The following FANCC variants were observed in gnomAD, a reference collection of about 807,000 sequenced individuals.
The protein encoded by FANCC is Fanconi anemia group C protein.
In FANCC, 55 loss-of-function variants were observed where a neutral mutation model predicts 71.3. That is an observed-to-expected ratio of 0.77 (90% CI 0.62 to 0.97). The LOEUF (loss-of-function observed/expected upper bound fraction) is 0.97, where lower values mean the gene tolerates loss of function less well. FANCC is among the 50% of genes least tolerant of loss of function. The pLI is 0.00. For missense variants in FANCC, 678 were observed against 670.9 expected, an observed-to-expected ratio of 1.01 and a Z score of -0.12; for synonymous variants, 275 against 244.9, an observed-to-expected ratio of 1.12 and a Z score of -1.15.
At chr9:95,187,686 C>G (rs1339738628) in intron 4 of FANCC, among the ~76,000 whole-genome samples, 1 of 151,932 alleles carries the variant, frequency 6.6e-6, no homozygotes, top group African/African-American at 2.4e-5. Context: ...CTGACTATAG[C>G]TCAAATGCTG....
chr9:95,196,590 C>A (rs1168968487), intron 4 of FANCC, among the ~76,000 whole-genome samples: 1 of 152,154 alleles, frequency 6.6e-6, no homozygotes, highest in Non-Finnish European at 1.5e-5. Context: ...ATTTGAGATA[C>A]CAAGATAATA....
chr9:95,249,312 G>T lies in FANCC; in HGVS notation c.-21C>A. ...GCCATCTTGGAAAAAGCGAAAAGGTGATGTCCCTTCACAGCAGCCTGTCCA... is the reference window on the plus strand; with the variant it reads ...GCCATCTTGGAAAAAGCGAAAAGGTTATGTCCCTTCACAGCAGCCTGTCCA... On this transcript the variant is annotated 5_prime_UTR_variant, in exon 2 of 15. The change creates a premature stop within an existing upstream ORF in the 5' untranslated region. Coordinates refer to ENST00000289081, the MANE Select transcript of FANCC (RefSeq NM_000136.3). 1 of 1,613,272 alleles carries T rather than the reference G, an allele frequency of 6.2e-7. No homozygotes were observed. Among genetic ancestry groups the T allele is most frequent in the Non-Finnish European group, 8.5e-7 (1 of 1,179,624 alleles).
At chr9:95,246,602 T>C (rs1475180281) in intron 3 of FANCC, among the ~76,000 whole-genome samples, 1 of 152,150 alleles carries the variant, frequency 6.6e-6, no homozygotes, top group Non-Finnish European at 1.5e-5. Context: ...ACTAAAACCA[T>C]GGTTCCTGTT....
chr9:95,287,948 T>C (rs1833781268), intron 1 of FANCC, among the ~76,000 whole-genome samples: 1 of 152,138 alleles, frequency 6.6e-6, no homozygotes, highest in Admixed American at 6.5e-5. Context: ...CACTGCCATA[T>C]GGTAGTAAAA....
At chr9:95,236,084 G>A (rs2136022413) in intron 4 of FANCC, among the ~76,000 whole-genome samples, 1 of 152,210 alleles carries the variant, frequency 6.6e-6, no homozygotes, top group Middle Eastern at 3.4e-3. Flanking sequence ...GCTTAGTATT[G>A]CATTTCGAAA....
At chr9:95,160,075 T>C (rs1367928210) in intron 6 of FANCC, among the ~76,000 whole-genome samples, 1 of 152,246 alleles carries the variant, frequency 6.6e-6, no homozygotes, top group African/African-American at 2.4e-5. Context: ...CCATTGCTTT[T>C]GGTGTTTTAG....
At chr9:95,160,334 C>T (rs151065011) in intron 6 of FANCC, among the ~76,000 whole-genome samples, 5,563 of 152,082 alleles carry the variant, frequency 0.037, 301 homozygotes, top group African/African-American at 0.12. Context: ...GATTGGATGG[C>T]TGTAGATGTG....
At chr9:95,224,593 A>G (rs1232691513) in intron 4 of FANCC, among the ~76,000 whole-genome samples, 1 of 151,650 alleles carries the variant, frequency 6.6e-6, no homozygotes, top group African/African-American at 2.4e-5. Flanking sequence ...CAAAACCTAG[A>G]CTCTGCATCC....
chr9:95,220,982 A>G (rs1466487769), intron 4 of FANCC, among the ~76,000 whole-genome samples: 1 of 152,178 alleles, frequency 6.6e-6, no homozygotes, highest in African/African-American at 2.4e-5. Flanking sequence ...CTGTAATCCC[A>G]GCACTTTGGG....
chr9:95,111,138 A>C, intron 13 of FANCC: 10 of 1,534,306 alleles, frequency 6.5e-6, no homozygotes, highest in Non-Finnish European at 8.7e-6. Flanking sequence ...CCGCCTCTGC[A>C]GGGCACGCCT....
intron 1 of FANCC, among the ~76,000 whole-genome samples, chr9:95,267,262 G>T (rs950003578): frequency 6.6e-6 from 1 of 152,152 alleles, no homozygotes; most frequent in African/African-American, 2.4e-5. Flanking sequence ...ATGCCTGAAG[G>T]AAGGCTCGCA....
intron 12 of FANCC, among the ~76,000 whole-genome samples, 172 bp from the exon 13 acceptor site, chr9:95,111,809 G>A (rs1468525802): frequency 1.3e-5 from 2 of 152,222 alleles, no homozygotes; most frequent in East Asian, 3.9e-4. Context: ...ACGCCACTCT[G>A]CACCATCACA....
rs763869417 is a variant in FANCC, at chr9:95,150,093, G to A, written c.522-6C>T. ...CCACTCGCTCGGGAGCCATTCTATG[G>A]AAGAAATAAGAAATAATCACTCAAA... On this transcript the variant is annotated splice_region_variant and splice_polypyrimidine_tract_variant and intron_variant, in intron 6 of 14. Coordinates refer to ENST00000289081, the MANE Select transcript of FANCC (RefSeq NM_000136.3). 9 of 1,613,934 alleles carry A rather than the reference G, an allele frequency of 5.6e-6. No homozygotes were observed. The East Asian group carries it at 2.0e-4, about 36-fold the overall frequency.
At chr9:95,116,030 G>A (rs1415598871) in intron 11 of FANCC, among the ~76,000 whole-genome samples, 3 of 152,246 alleles carry the variant, frequency 2.0e-5, no homozygotes, top group East Asian at 1.9e-4. Flanking sequence ...ACTAGCACAA[G>A]AGGTTCTTGT....
chr9:95,249,519 C>T, intron 1 of FANCC, 150 bp from the exon 2 acceptor site: 1 of 566,408 alleles, frequency 1.8e-6, no homozygotes, highest in Non-Finnish European at 3.1e-6. Context: ...TAAAATATGT[C>T]ATCCAGCTGG....
intron 8 of FANCC, among the ~76,000 whole-genome samples, chr9:95,134,239 C>A (rs1366639107): frequency 1.3e-5 from 2 of 152,124 alleles, no homozygotes; most frequent in Admixed American, 6.5e-5. Flanking sequence ...TTAGGATTCC[C>A]TTAGACAGTC....
At chr9:95,231,173 CTA>C (rs1323545705) in intron 4 of FANCC, among the ~76,000 whole-genome samples, 1 of 152,212 alleles carries the variant, frequency 6.6e-6, no homozygotes, top group Non-Finnish European at 1.5e-5. Flanking sequence ...ATACCAAATA[CTA>C]TTTTAGACCA....
chr9:95,207,551 G>C (rs1828209878), intron 4 of FANCC, among the ~76,000 whole-genome samples: 1 of 152,078 alleles, frequency 6.6e-6, no homozygotes, highest in Non-Finnish European at 1.5e-5. Context: ...AACCAACTTT[G>C]AACTGTGCTG....
chr9:95,138,566 T>G (rs1422534698), intron 7 of FANCC, among the ~76,000 whole-genome samples: 2 of 152,220 alleles, frequency 1.3e-5, no homozygotes, highest in Non-Finnish European at 2.9e-5. Flanking sequence ...TTTGACCAGC[T>G]TTCCTCATGC....
Sources: allele counts gnomAD v4.1 joint callset (sites outside exome capture counted in the v4.1 genomes callset), GRCh38; gene constraint gnomAD v4.1.1; transcripts MANE v1.5; gene names NCBI Gene and HGNC (gene_info 2026-07-23, HGNC 2026-07-21).